EVI5: variants seen among roughly 807,000 people sequenced by gnomAD.
The protein encoded by EVI5 is ecotropic viral integration site 5 protein homolog.
A neutral mutation model predicts 112.0 loss-of-function variants in EVI5; 73 were observed. The observed-to-expected ratio is 0.65, with a 90% confidence interval of 0.54 to 0.79. The LOEUF (loss-of-function observed/expected upper bound fraction) is 0.79. Ranked by LOEUF, EVI5 falls within the 30% of genes least tolerant of loss-of-function variation. EVI5 has a pLI of 0.00. For synonymous variants in EVI5, 305 were observed against 319.9 expected (o/e 0.95, Z 0.50); for missense variants, 900 against 968.8 (o/e 0.93, Z 0.94).
At chr1:92,754,577 G>T (rs2102945448) in intron 1 of EVI5, among the ~76,000 whole-genome samples, 1 of 152,270 alleles carries the variant, frequency 6.6e-6, no homozygotes, top group East Asian at 1.9e-4. Flanking sequence ...CTTGACTGGG[G>T]CTGGAAGAGC....
chr1:92,767,404 C>T (rs562393083), intron 1 of EVI5, among the ~76,000 whole-genome samples: 2 of 152,256 alleles, frequency 1.3e-5, no homozygotes, highest in Non-Finnish European at 2.9e-5. Flanking sequence ...ATACATGCTA[C>T]GCATAGGATT....
intron 17 of EVI5, 41 bp downstream of exon 17, chr1:92,607,540 T>C (rs1254458588): frequency 7.0e-7 from 1 of 1,426,596 alleles, no homozygotes; most frequent in African/African-American, 1.5e-5. Context: ...AAGGCATTAT[T>C]ATATTGACAA....
intron 1 of EVI5, among the ~76,000 whole-genome samples, chr1:92,766,675 C>T (rs1682684708): frequency 6.6e-6 from 1 of 152,188 alleles, no homozygotes; most frequent in Non-Finnish European, 1.5e-5. Context: ...GTTACTTTAA[C>T]TACACAGGTA....
intron 18 of EVI5, among the ~76,000 whole-genome samples, chr1:92,586,283 G>C (rs1237982802): frequency 1.3e-5 from 2 of 152,236 alleles, no homozygotes; most frequent in South Asian, 2.1e-4. Flanking sequence ...CATGCTTATG[G>C]AGTGGAGATT....
chr1:92,696,353 C>T (rs1049250550), intron 6 of EVI5, among the ~76,000 whole-genome samples: 16 of 152,068 alleles, frequency 1.1e-4, no homozygotes, highest in African/African-American at 2.9e-4. Context: ...GTGGCTCATG[C>T]CTGTAATCCC....
intron 1 of EVI5, among the ~76,000 whole-genome samples, chr1:92,761,909 C>T (rs1681933792): frequency 6.7e-6 from 1 of 149,416 alleles, no homozygotes; most frequent in Non-Finnish European, 1.5e-5. Context: ...GGAATAAACG[C>T]CCATGCAATG....
intron 1 of EVI5, among the ~76,000 whole-genome samples, chr1:92,750,657 AC>A (rs1301028804): frequency 6.6e-6 from 1 of 151,994 alleles, no homozygotes; most frequent in East Asian, 1.9e-4. Context: ...ATAAATGTCT[AC>A]CCCGTTGCCT....
intron 18 of EVI5, among the ~76,000 whole-genome samples, chr1:92,581,799 GGAATCTTTACA>G (rs1297628404): frequency 7.2e-6 from 1 of 139,074 alleles, no homozygotes; most frequent in Non-Finnish European, 1.6e-5. Flanking sequence ...AGTATGTAAA[GGAATCTTTACA>G]CAGAAAGTAC....
At chr1:92,587,388 CAAAA>C (rs35229896) in intron 18 of EVI5, among the ~76,000 whole-genome samples, 23 of 124,238 alleles carry the variant, frequency 1.9e-4, no homozygotes, top group East Asian at 4.7e-4. Flanking sequence ...GCTTCAGGGG[CAAAA>C]AAAAAAAAAA....
intron 18 of EVI5, among the ~76,000 whole-genome samples, chr1:92,570,292 T>A (rs756128802): frequency 1.1e-3 from 172 of 152,300 alleles, no homozygotes; most frequent in Non-Finnish European, 1.2e-3. Flanking sequence ...AGCTGTCCTT[T>A]TAGGTGTTTT....
intron 18 of EVI5, among the ~76,000 whole-genome samples, chr1:92,584,925 T>A (rs766432440): frequency 1.2e-4 from 19 of 152,052 alleles, no homozygotes; most frequent in Non-Finnish European, 2.6e-4. Context: ...AGGCACAGTT[T>A]AAAAATACCA....
chr1:92,574,810 T>C (rs1670805979), intron 18 of EVI5, among the ~76,000 whole-genome samples: 1 of 152,190 alleles, frequency 6.6e-6, no homozygotes, highest in Non-Finnish European at 1.5e-5. Flanking sequence ...ACATAATTTA[T>C]AAGGTCCTAA....
chr1:92,641,298 A>G (rs1659923857), intron 13 of EVI5, among the ~76,000 whole-genome samples: 1 of 152,224 alleles, frequency 6.6e-6, no homozygotes, highest in Non-Finnish European at 1.5e-5. Flanking sequence ...TTATAAATCA[A>G]TAACTGCCTG....
chr1:92,608,963 G>A (rs1278835579), intron 16 of EVI5, among the ~76,000 whole-genome samples: 4 of 152,134 alleles, frequency 2.6e-5, no homozygotes, highest in Non-Finnish European at 5.9e-5. Context: ...GGTGTCTTCA[G>A]AATTAAATGA....
At chr1:92,607,534 CATT>C in intron 17 of EVI5, 44 bp downstream of exon 17, 1 of 1,301,682 alleles carries the variant, frequency 7.7e-7, no homozygotes. Flanking sequence ...AAAAAAAAGG[CATT>C]ATTATATTGA....
chr1:92,606,643 TA>T (rs1650458284), intron 17 of EVI5, among the ~76,000 whole-genome samples: 1 of 152,216 alleles, frequency 6.6e-6, no homozygotes, highest in Non-Finnish European at 1.5e-5. Flanking sequence ...GTGACACTGA[TA>T]AACCATTCAA....
chr1:92,736,641 T>C lies in EVI5; in HGVS notation c.-81-14A>G, dbSNP rs754812355. The C allele has an allele frequency of 2.1e-5, 33 of 1,571,064 alleles. No homozygotes were observed. In the South Asian group the frequency reaches 3.2e-4, roughly 15 times the overall value. Reference sequence around the variant, plus strand: ...GTCTGTCGCCACCTAAGGACAAAAATAAAAGTTGCATATACTTTAGTTACA... The same window carrying C: ...GTCTGTCGCCACCTAAGGACAAAAACAAAAGTTGCATATACTTTAGTTACA... On this transcript the variant is annotated splice_polypyrimidine_tract_variant and intron_variant, in intron 1 of 19. Coordinates refer to ENST00000684568, the MANE Select transcript of EVI5 (RefSeq NM_001350197.2).
intron 9 of EVI5, among the ~76,000 whole-genome samples, chr1:92,679,785 C>T (rs1054821313): frequency 1.1e-4 from 16 of 152,090 alleles, no homozygotes; most frequent in African/African-American, 3.1e-4. Flanking sequence ...GGGACCATTC[C>T]GTCCTTCAAA....
At chr1:92,534,776 G>A (rs1168624465) in intron 19 of EVI5, among the ~76,000 whole-genome samples, 3 of 152,132 alleles carry the variant, frequency 2.0e-5, no homozygotes, top group Non-Finnish European at 4.4e-5. Context: ...ATTAACTCAC[G>A]ATGGATTAAA....
Sources: allele counts gnomAD v4.1 joint callset (sites outside exome capture counted in the v4.1 genomes callset), GRCh38; gene constraint gnomAD v4.1.1; transcripts MANE v1.5; gene names NCBI Gene and HGNC (gene_info 2026-07-23, HGNC 2026-07-21).